The following L3MBTL4 variants were observed in gnomAD, a reference collection of about 807,000 sequenced individuals.
L3MBTL4 encodes lethal(3)malignant brain tumor-like protein 4.
Under a neutral mutation model 84.5 loss-of-function variants are expected in L3MBTL4, and 70 were observed. The ratio of observed to expected loss-of-function variants is 0.83; its 90% CI spans 0.68 to 1.01. The LOEUF is 1.01. L3MBTL4 is among the 50% of genes least tolerant of loss of function. The probability of loss-of-function intolerance (pLI) is 0.00; values close to 1 mark genes in which losing one functional copy is unlikely to be tolerated. For synonymous variants in L3MBTL4, 274 were observed against 259.8 expected (o/e 1.05, Z -0.52); for missense variants, 715 against 754.8 (o/e 0.95, Z 0.62).
At chr18:6,057,707 G>A (rs528655836) in intron 16 of L3MBTL4, among the ~76,000 whole-genome samples, 2 of 152,096 alleles carry the variant, frequency 1.3e-5, no homozygotes, top group South Asian at 2.1e-4. Context: ...AATAATGAAC[G>A]AGGGAGAACC....
chr18:6,314,620 T>C (rs1443418933), intron 1 of L3MBTL4, among the ~76,000 whole-genome samples: 2 of 152,250 alleles, frequency 1.3e-5, no homozygotes, highest in African/African-American at 4.8e-5. Context: ...AATTTTTCAA[T>C]TTAATCCTCT....
chr18:6,337,787 C>G (rs1347953157), intron 1 of L3MBTL4, among the ~76,000 whole-genome samples: 1 of 151,946 alleles, frequency 6.6e-6, no homozygotes, highest in East Asian at 1.9e-4. Context: ...ATGAAAGAAG[C>G]TCTATAAACC....
chr18:6,341,299 T>C (rs2143504211), intron 1 of L3MBTL4, among the ~76,000 whole-genome samples: 1 of 152,044 alleles, frequency 6.6e-6, no homozygotes, highest in Admixed American at 6.6e-5. Flanking sequence ...TACCTATGAA[T>C]TGCCCAACAA....
At chr18:5,957,214 T>C (rs1348269675) in intron 18 of L3MBTL4, among the ~76,000 whole-genome samples, 7 of 152,200 alleles carry the variant, frequency 4.6e-5, no homozygotes, top group African/African-American at 1.7e-4. Context: ...TTTCAAAACT[T>C]GCACAGAATG....
intron 4 of L3MBTL4, among the ~76,000 whole-genome samples, chr18:6,288,257 G>C (rs1377559956): frequency 6.6e-6 from 1 of 152,124 alleles, no homozygotes; most frequent in Non-Finnish European, 1.5e-5. Flanking sequence ...GTTGTATGTT[G>C]TGTCAACATA....
intron 16 of L3MBTL4, among the ~76,000 whole-genome samples, chr18:6,056,419 C>T (rs1018820600): frequency 4.6e-5 from 7 of 152,220 alleles, no homozygotes; most frequent in African/African-American, 1.7e-4. Context: ...CCCTGCTAGG[C>T]AGGAGGCACT....
intron 12 of L3MBTL4, among the ~76,000 whole-genome samples, chr18:6,198,309 T>C (rs185031476): frequency 2.0e-5 from 3 of 152,314 alleles, no homozygotes; most frequent in Admixed American, 1.3e-4. Context: ...ATCTGATTTA[T>C]TCCCTGTTTA....
intron 15 of L3MBTL4, among the ~76,000 whole-genome samples, chr18:6,087,805 T>G (rs901739716): frequency 2.6e-5 from 4 of 152,224 alleles, no homozygotes; most frequent in Non-Finnish European, 5.9e-5. Flanking sequence ...ATTATTTCAA[T>G]AGTCTCTTCT....
At chr18:6,135,420 T>C (rs2060001393) in intron 14 of L3MBTL4, among the ~76,000 whole-genome samples, 1 of 152,222 alleles carries the variant, frequency 6.6e-6, no homozygotes, top group South Asian at 2.1e-4. Context: ...TTCTACTGCA[T>C]CATCAGGCTG....
rs572947031 is a variant in L3MBTL4, at chr18:6,298,735, G to T, written c.127+3168C>A. On this transcript the variant is annotated intron_variant, in intron 4 of 18. Coordinates refer to ENST00000317931, the MANE Select transcript of L3MBTL4 (RefSeq NM_001330559.2). ...TACAAATACAAAAAATTAGCCAGGC[G>T]TGGTGGCAGGCACCTGTAATCCCAG... Among the ~76,000 whole-genome samples the T allele has an allele frequency of 3.9e-5, 6 of 152,084 alleles. No individual in the cohort carries two copies. In the South Asian group the frequency reaches 1.2e-3, roughly 32 times the overall value.
intron 16 of L3MBTL4, among the ~76,000 whole-genome samples, chr18:6,035,761 T>C (rs556082922): frequency 1.4e-4 from 22 of 152,308 alleles, no homozygotes; most frequent in Admixed American, 5.2e-4. Context: ...TTTCACGATA[T>C]TGATTCTTCC....
intron 1 of L3MBTL4, among the ~76,000 whole-genome samples, chr18:6,373,447 T>C (rs1169644578): frequency 6.6e-6 from 1 of 152,184 alleles, no homozygotes; most frequent in Non-Finnish European, 1.5e-5. Flanking sequence ...TTGACTCCTC[T>C]CTAGCTGATC....
At chr18:6,212,917 T>G (rs975008782) in intron 12 of L3MBTL4, among the ~76,000 whole-genome samples, 2 of 152,194 alleles carry the variant, frequency 1.3e-5, no homozygotes, top group African/African-American at 4.8e-5. Context: ...AATCAGAGCC[T>G]CTGTGGCCAG....
intron 15 of L3MBTL4, among the ~76,000 whole-genome samples, chr18:6,091,094 T>C (rs914362547): frequency 1.3e-5 from 2 of 152,198 alleles, no homozygotes; most frequent in African/African-American, 4.8e-5. Flanking sequence ...TAGCTAGTGA[T>C]TTCAAGAGCA....
At chr18:6,131,699 T>C (rs952201590) in intron 14 of L3MBTL4, among the ~76,000 whole-genome samples, 1 of 152,200 alleles carries the variant, frequency 6.6e-6, no homozygotes, top group Non-Finnish European at 1.5e-5. Flanking sequence ...TGTATAATGA[T>C]AACCTCAGGT....
chr18:6,296,351 T>C (rs2050109494), intron 4 of L3MBTL4, among the ~76,000 whole-genome samples: 1 of 152,226 alleles, frequency 6.6e-6, no homozygotes. Context: ...TAGTAAAGGA[T>C]AGATTTTATT....
chr18:6,112,161 G>T (rs1250664738), intron 14 of L3MBTL4, among the ~76,000 whole-genome samples: 1 of 152,048 alleles, frequency 6.6e-6, no homozygotes, highest in Non-Finnish European at 1.5e-5. Flanking sequence ...CCTGACTACT[G>T]CAAACGCACA....
chr18:6,056,238 C>A (rs1043236164), intron 16 of L3MBTL4, among the ~76,000 whole-genome samples: 2 of 152,142 alleles, frequency 1.3e-5, no homozygotes, highest in African/African-American at 4.8e-5. Flanking sequence ...ACAAGCATGT[C>A]AGAGACACTG....
intron 1 of L3MBTL4, among the ~76,000 whole-genome samples, chr18:6,335,452 TAG>T (rs1178878791): frequency 6.6e-6 from 1 of 152,190 alleles, no homozygotes; most frequent in Non-Finnish European, 1.5e-5. Context: ...ATATGGGTAT[TAG>T]AGTGTCATGA....
Sources: allele counts gnomAD v4.1 joint callset (sites outside exome capture counted in the v4.1 genomes callset), GRCh38; gene constraint gnomAD v4.1.1; transcripts MANE v1.5; gene names NCBI Gene and HGNC (gene_info 2026-07-23, HGNC 2026-07-21).